Variants in ANKS1B observed in about 807,000 individuals in gnomAD.
The protein encoded by ANKS1B is ankyrin repeat and sterile alpha motif domain-containing protein 1B.
A neutral mutation model predicts 148.3 loss-of-function variants in ANKS1B; 36 were observed. The observed-to-expected ratio is 0.24, with a 90% CI of 0.19 to 0.32. ANKS1B has a LOEUF of 0.32. Among genes scored for constraint, ANKS1B ranks in the 10% least tolerant of loss-of-function variants. The pLI is 1.00. For missense variants in ANKS1B, 1,157 were observed against 1,542.6 expected (o/e 0.75, Z 4.19); for synonymous variants, 542 against 560.8 (o/e 0.97, Z 0.47).
At chr12:99,722,945 C>A (rs191796930) in intron 8 of ANKS1B, among the ~76,000 whole-genome samples, 6 of 152,324 alleles carry the variant, frequency 3.9e-5, no homozygotes, top group East Asian at 1.9e-4. Context: ...CCCACCCCCC[C>A]GCCAAGGGAG....
At chr12:99,075,406 GGACTTAGCATGTGT>G (rs1490495799) in intron 16 of ANKS1B, among the ~76,000 whole-genome samples, 1 of 152,126 alleles carries the variant, frequency 6.6e-6, no homozygotes, top group African/African-American at 2.4e-5. Flanking sequence ...GACCCACACT[GGACTTAGCATGTGT>G]GAGAAATAAA....
At chr12:99,501,457 C>T (rs79580899) in intron 10 of ANKS1B, among the ~76,000 whole-genome samples, 3,844 of 152,150 alleles carry the variant, frequency 0.025, 76 homozygotes, top group South Asian at 0.087. Flanking sequence ...TTTGGACCAC[C>T]AAGGTGATAT....
chr12:99,084,883 G>A, intron 16 of ANKS1B, 42 bp downstream of exon 16: 1 of 1,498,084 alleles, frequency 6.7e-7, no homozygotes. Context: ...CAAAATCACT[G>A]GGAACCGTAC....
At chr12:99,176,511 A>G (rs1386120643) in intron 14 of ANKS1B, among the ~76,000 whole-genome samples, 5 of 152,140 alleles carry the variant, frequency 3.3e-5, no homozygotes, top group Non-Finnish European at 5.9e-5. Flanking sequence ...GAATGCACAA[A>G]TGGAGCCTCA....
intron 8 of ANKS1B, among the ~76,000 whole-genome samples, chr12:99,687,288 A>C (rs377589639): frequency 3.3e-5 from 5 of 152,072 alleles, no homozygotes; most frequent in East Asian, 1.9e-4. Flanking sequence ...GATTTTCAAT[A>C]ATTTTATTTT....
intron 10 of ANKS1B, among the ~76,000 whole-genome samples, chr12:99,458,052 GA>G (rs2095875834): frequency 6.6e-6 from 1 of 151,978 alleles, no homozygotes; most frequent in African/African-American, 2.4e-5. Context: ...ACAAATTTAA[GA>G]AACTCAAAAT....
intron 12 of ANKS1B, among the ~76,000 whole-genome samples, chr12:99,325,393 C>T (rs1281090256): frequency 2.0e-5 from 3 of 152,048 alleles, no homozygotes; most frequent in African/African-American, 7.2e-5. Flanking sequence ...AAGAAATTGG[C>T]AGTTTACAAA....
Position 98,765,954 on chromosome 12 carries a change from C to G in ANKS1B, c.3579+7088G>C, listed in dbSNP as rs186745880. On this transcript the variant is annotated intron_variant, in intron 25 of 26. Transcript: ENST00000683438. ...TGCAGATCTGGGATTCAAAACCAGA[C>G]TGATTCTAAAGGCCACCCCCTGATC... Among the ~76,000 whole-genome samples, 162 of 152,312 alleles carry G rather than the reference C, an allele frequency of 1.1e-3. 1 individual carries two copies. The highest frequency in any genetic ancestry group is 3.3e-3 in the African/African-American group (136 of 41,550).
At chr12:99,688,775 A>G (rs113749194) in intron 8 of ANKS1B, among the ~76,000 whole-genome samples, 225 of 152,238 alleles carry the variant, frequency 1.5e-3, no homozygotes, top group African/African-American at 5.3e-3. Context: ...CAGGAGTCCA[A>G]GGCTGCAGTG....
chr12:99,367,443 T>C (rs192986410), intron 12 of ANKS1B, among the ~76,000 whole-genome samples: 3 of 152,226 alleles, frequency 2.0e-5, no homozygotes, highest in African/African-American at 7.2e-5. Flanking sequence ...AAGTGCAAAA[T>C]GGCAAAAGCT....
At chr12:99,042,835 A>T (rs1235479903) in intron 17 of ANKS1B, among the ~76,000 whole-genome samples, 2 of 152,224 alleles carry the variant, frequency 1.3e-5, no homozygotes, top group Non-Finnish European at 2.9e-5. Context: ...GCTTTTAGAA[A>T]AGCAGAGATT....
intron 16 of ANKS1B, among the ~76,000 whole-genome samples, chr12:99,062,138 A>T (rs1004301489): frequency 6.6e-6 from 1 of 152,210 alleles, no homozygotes; most frequent in South Asian, 2.1e-4. Context: ...AGTACAGGTA[A>T]GAGTGTTGGC....
intron 15 of ANKS1B, among the ~76,000 whole-genome samples, chr12:99,123,115 G>T (rs2063382755): frequency 6.6e-6 from 1 of 151,622 alleles, no homozygotes; most frequent in South Asian, 2.1e-4. Context: ...GATGTCTATA[G>T]TCTGGTTTGA....
intron 10 of ANKS1B, among the ~76,000 whole-genome samples, chr12:99,490,149 C>A (rs1021845156): frequency 8.5e-5 from 13 of 152,086 alleles, no homozygotes; most frequent in Non-Finnish European, 1.6e-4. Context: ...ACCTAGTTGA[C>A]CTGGAAAATA....
Position 98,802,053 on chromosome 12 carries a change from A to G in ANKS1B, c.3142-928T>C, listed in dbSNP as rs910894668. Reference sequence around the variant, plus strand: ...TATTTCTTACTCTTTCTCCTGGGAAAGATTTGGATTTTTCCAAAACTCAGT... The same window carrying G: ...TATTTCTTACTCTTTCTCCTGGGAAGGATTTGGATTTTTCCAAAACTCAGT... On this transcript the variant is annotated intron_variant, in intron 20 of 26. Coordinates refer to ENST00000683438, the MANE Select transcript of ANKS1B (RefSeq NM_001352186.2). Among the ~76,000 whole-genome samples the G allele has an allele frequency of 1.4e-4, 21 of 152,204 alleles. 1 individual carries two copies. The highest frequency in any genetic ancestry group is 4.6e-4 in the African/African-American group (19 of 41,452).
At chr12:99,543,976 A>G (rs902162034) in intron 9 of ANKS1B, among the ~76,000 whole-genome samples, 2 of 152,178 alleles carry the variant, frequency 1.3e-5, no homozygotes, top group Admixed American at 6.5e-5. Context: ...TAAAATTGCA[A>G]CTTCACTGGG....
chr12:99,439,810 A>G (rs1254966491), intron 11 of ANKS1B, among the ~76,000 whole-genome samples: 1 of 151,762 alleles, frequency 6.6e-6, no homozygotes, highest in Non-Finnish European at 1.5e-5. Flanking sequence ...ATATGAAAAC[A>G]TATGTTTATA....
At chr12:99,603,870 T>C (rs529146756) in intron 9 of ANKS1B, among the ~76,000 whole-genome samples, 3 of 152,202 alleles carry the variant, frequency 2.0e-5, no homozygotes, top group East Asian at 1.9e-4. Context: ...TTAATTCTTA[T>C]TATGTTTGAT....
intron 8 of ANKS1B, among the ~76,000 whole-genome samples, chr12:99,690,230 G>A (rs1401453715): frequency 2.0e-5 from 3 of 152,032 alleles, no homozygotes; most frequent in African/African-American, 7.2e-5. Context: ...TCACTCATGG[G>A]GATTATGGGG....
Sources: gnomAD v4.1 joint callset for allele counts (sites outside exome capture counted in the v4.1 genomes callset) on GRCh38, gnomAD v4.1.1 for gene constraint, MANE v1.5 for transcripts, NCBI Gene and HGNC (gene_info 2026-07-23, HGNC 2026-07-21) for gene names.